The following SLC16A14 variants were observed in gnomAD, a reference collection of about 807,000 sequenced individuals.
SLC16A14 encodes the protein solute carrier family 16 member 14.
SLC16A14 carries 14 observed loss-of-function variants against 35.8 expected under a neutral mutation model. The observed-to-expected ratio is 0.39, with a 90% CI of 0.26 to 0.61. The LOEUF (loss-of-function observed/expected upper bound fraction) is 0.61. SLC16A14 is among the 20% of genes least tolerant of loss of function. The pLI is 0.51. For missense variants in SLC16A14, 533 were observed against 655.0 expected, an observed-to-expected ratio of 0.81 and a Z score of 2.03; for synonymous variants, 248 against 258.9, an observed-to-expected ratio of 0.96 and a Z score of 0.40.
chr2:230,042,078 CT>C (rs1182576876), intron 4 of SLC16A14, among the ~76,000 whole-genome samples: 1 of 152,200 alleles, frequency 6.6e-6, no homozygotes, highest in Non-Finnish European at 1.5e-5. Flanking sequence ...AGAAAGTCCC[CT>C]TTAGCTTGCT....
chr2:230,039,668 C>T (rs2077544473), intron 4 of SLC16A14, among the ~76,000 whole-genome samples: 1 of 152,176 alleles, frequency 6.6e-6, no homozygotes, highest in South Asian at 2.1e-4. Flanking sequence ...AAATGAGGTT[C>T]TCATAGTCCA....
rs1467546301 is a variant in SLC16A14, at chr2:230,035,935, T to C, written c.*1445A>G. The C allele has an allele frequency of 6.6e-6, 1 of 152,566 alleles. No homozygotes were observed. The highest frequency in any genetic ancestry group is 1.5e-5 in the Non-Finnish European group (1 of 68,036). 9.5% of individuals were successfully genotyped at this position (152,566 alleles called of 1,614,324 possible). On this transcript the variant is annotated 3_prime_UTR_variant, in exon 5 of 5. Transcript: ENST00000295190. Reference sequence around the variant, plus strand: ...CTGAAACTGCTGGCTAAAATTACGCTTGGGGTGGCATTGTTTGATTCCAAT... The same window carrying C: ...CTGAAACTGCTGGCTAAAATTACGCCTGGGGTGGCATTGTTTGATTCCAAT...
At chr2:230,045,052 G>A (rs940064263) in intron 4 of SLC16A14, among the ~76,000 whole-genome samples, 1 of 152,068 alleles carries the variant, frequency 6.6e-6, no homozygotes, top group African/African-American at 2.4e-5. Context: ...TCCCTTGGGG[G>A]GAAACAACAA....
intron 2 of SLC16A14, among the ~76,000 whole-genome samples, chr2:230,056,901 A>T (rs2077710256): frequency 7.2e-6 from 1 of 138,296 alleles, no homozygotes; most frequent in African/African-American, 2.7e-5. Flanking sequence ...AAAAAAAAAA[A>T]AGAGTTGAAT....
intron 4 of SLC16A14, among the ~76,000 whole-genome samples, chr2:230,044,821 C>T (rs2077590686): frequency 6.6e-6 from 1 of 151,442 alleles, no homozygotes; most frequent in Non-Finnish European, 1.5e-5. Flanking sequence ...TCAAGTGATC[C>T]TCCTGCCTCG....
chr2:230,049,416 A>T (rs1178839923), intron 3 of SLC16A14, among the ~76,000 whole-genome samples: 1 of 152,010 alleles, frequency 6.6e-6, no homozygotes, highest in Admixed American at 6.6e-5. Context: ...CACTGATGTA[A>T]TTTCCTTAAT....
chr2:230,054,831 G>A (rs1208627849), intron 2 of SLC16A14, among the ~76,000 whole-genome samples: 1 of 151,520 alleles, frequency 6.6e-6, no homozygotes, highest in South Asian at 2.1e-4. Context: ...GGAGGCAGAG[G>A]TTGCAGTGAG....
intron 1 of SLC16A14, among the ~76,000 whole-genome samples, chr2:230,067,525 T>G (rs2077808929): frequency 7.0e-6 from 1 of 143,642 alleles, no homozygotes; most frequent in Non-Finnish European, 1.5e-5. Flanking sequence ...ACTGCCTCTC[T>G]CCCCTCTCTT....
At chr2:230,047,254 C>T (rs1425188462) in intron 3 of SLC16A14, among the ~76,000 whole-genome samples, 1 of 151,264 alleles carries the variant, frequency 6.6e-6, no homozygotes, top group Non-Finnish European at 1.5e-5. Flanking sequence ...GCCCTATTCA[C>T]GGGACTATTA....
intron 4 of SLC16A14, among the ~76,000 whole-genome samples, chr2:230,041,553 C>T (rs906040920): frequency 5.3e-5 from 8 of 152,110 alleles, no homozygotes; most frequent in African/African-American, 1.9e-4. Context: ...CTGTCTCCAA[C>T]TCCTGACCTC....
At chr2:230,039,462 G>C (rs2077542789) in intron 4 of SLC16A14, among the ~76,000 whole-genome samples, 1 of 152,128 alleles carries the variant, frequency 6.6e-6, no homozygotes, top group Admixed American at 6.5e-5. Context: ...AATTGAATTG[G>C]AAAGGCACAT....
intron 4 of SLC16A14, among the ~76,000 whole-genome samples, chr2:230,042,207 A>T (rs998633361): frequency 2.0e-5 from 3 of 152,210 alleles, no homozygotes. Context: ...GGTGGATCCC[A>T]TTCCACTACA....
chr2:230,056,879 TAAAA>T (rs60620443), intron 2 of SLC16A14, among the ~76,000 whole-genome samples: 12 of 95,490 alleles, frequency 1.3e-4, no homozygotes, highest in African/African-American at 1.5e-4. Context: ...CTACAAAAAG[TAAAA>T]AAAAAAAAAA....
chr2:230,061,667 C>T (rs903851040), intron 1 of SLC16A14, among the ~76,000 whole-genome samples: 4 of 151,898 alleles, frequency 2.6e-5, no homozygotes, highest in Admixed American at 1.3e-4. Flanking sequence ...GTGAAGACTG[C>T]GAGGTACAAA....
chr2:230,053,373 T>C (rs1031598652), intron 2 of SLC16A14, among the ~76,000 whole-genome samples: 1 of 152,230 alleles, frequency 6.6e-6, no homozygotes, highest in Non-Finnish European at 1.5e-5. Context: ...ATACAATCCT[T>C]TGACCATGAC....
At chr2:230,051,463 C>T (rs2077659238) in intron 2 of SLC16A14, among the ~76,000 whole-genome samples, 2 of 151,992 alleles carry the variant, frequency 1.3e-5, no homozygotes, top group African/African-American at 4.8e-5. Flanking sequence ...ACCTGGCTGA[C>T]TTTCTAGTTC....
chr2:230,048,339 G>A (rs545484228), intron 3 of SLC16A14, among the ~76,000 whole-genome samples: 6 of 152,316 alleles, frequency 3.9e-5, no homozygotes, highest in African/African-American at 1.2e-4. Context: ...TTATGCTAAC[G>A]CATTCATTGT....
At chr2:230,060,251 T>C (rs2077740898) in intron 1 of SLC16A14, among the ~76,000 whole-genome samples, 1 of 152,158 alleles carries the variant, frequency 6.6e-6, no homozygotes, top group Non-Finnish European at 1.5e-5. Flanking sequence ...CCATTGGACA[T>C]AATGAGATGG....
chr2:230,054,988 G>A (rs375015772), intron 2 of SLC16A14, among the ~76,000 whole-genome samples: 23 of 151,814 alleles, frequency 1.5e-4, no homozygotes, highest in African/African-American at 5.1e-4. Context: ...TGATTAGAAC[G>A]TAAAAACCAT....
Sources: gnomAD v4.1 joint callset for allele counts (sites outside exome capture counted in the v4.1 genomes callset) on GRCh38, gnomAD v4.1.1 for gene constraint, MANE v1.5 for transcripts, NCBI Gene and HGNC (gene_info 2026-07-23, HGNC 2026-07-21) for gene names.